SCAND3: variants seen among roughly 807,000 people sequenced by gnomAD.
SCAND3 encodes the protein SCAN domain containing 3, also known as SCAN domain-containing protein 3.
At chr6:28,578,640 T>C in the SCAND3 span, among the ~76,000 whole-genome samples, 1 of 152,016 alleles carries the variant, frequency 6.6e-6, no homozygotes, top group Non-Finnish European at 1.5e-5. Flanking sequence ...GAAGAAGAAA[T>C]ACAGGGCAAT....
the SCAND3 span, chr6:28,587,437 G>C: frequency 6.6e-6 from 1 of 152,256 alleles, no homozygotes; most frequent in Non-Finnish European, 1.5e-5. Context: ...CTCTGGAAAC[G>C]ACGGAGAATT....
the SCAND3 span, among the ~76,000 whole-genome samples, chr6:28,612,905 C>T: frequency 6.6e-6 from 1 of 152,134 alleles, no homozygotes; most frequent in Non-Finnish European, 1.5e-5. Flanking sequence ...GTTATCATTT[C>T]ACTTCCAAAA....
chr6:28,603,879 C>T, the SCAND3 span, among the ~76,000 whole-genome samples: 3 of 152,152 alleles, frequency 2.0e-5, no homozygotes, highest in East Asian at 5.8e-4. Flanking sequence ...GGACTCGCTG[C>T]TCCTGGATGC....
chr6:28,615,838 C>T, the SCAND3 span, among the ~76,000 whole-genome samples: 1 of 152,116 alleles, frequency 6.6e-6, no homozygotes, highest in Non-Finnish European at 1.5e-5. Flanking sequence ...TGCAACATCT[C>T]CATTTCAAAA....
the SCAND3 span, chr6:28,615,913 G>GT: frequency 6.6e-6 from 1 of 152,172 alleles, no homozygotes; most frequent in East Asian, 1.9e-4. Context: ...TACAAGATGT[G>GT]TGATATTCTT....
chr6:28,586,219 C>T, the SCAND3 span: 118 of 1,228,976 alleles, frequency 9.6e-5, no homozygotes, highest in Admixed American at 2.3e-4. This position sits in a 1 kb window ranked among gnomAD's most constrained non-coding sequence, Gnocchi z 4.4. Context: ...CAACCACCAG[C>T]GCGAAATTAC....
the SCAND3 span, among the ~76,000 whole-genome samples, chr6:28,603,383 G>A: frequency 6.6e-6 from 1 of 152,114 alleles, no homozygotes; most frequent in Admixed American, 6.5e-5. Context: ...ATTGTTTCCT[G>A]GATTTTATCA....
the SCAND3 span, chr6:28,590,780 C>T: frequency 6.6e-6 from 1 of 152,322 alleles, no homozygotes; most frequent in Non-Finnish European, 1.5e-5. Flanking sequence ...ATTGGTTACA[C>T]AGAGACTCTG....
chr6:28,581,027 G>A, the SCAND3 span, among the ~76,000 whole-genome samples: 1 of 151,978 alleles, frequency 6.6e-6, no homozygotes, highest in Admixed American at 6.6e-5. Context: ...TCAATTCCTG[G>A]GTTTGATTTT....
At chr6:28,599,577 T>C in the SCAND3 span, among the ~76,000 whole-genome samples, 2 of 152,212 alleles carry the variant, frequency 1.3e-5, no homozygotes, top group East Asian at 1.9e-4. Flanking sequence ...TCATGAGATA[T>C]GATGGTTTTA....
the SCAND3 span, among the ~76,000 whole-genome samples, chr6:28,608,744 A>T: frequency 6.6e-6 from 1 of 152,256 alleles, no homozygotes; most frequent in East Asian, 1.9e-4. Flanking sequence ...TACACCTGTA[A>T]TCCCAGAAAT....
chr6:28,584,877 A>G, the SCAND3 span, among the ~76,000 whole-genome samples: 18 of 152,226 alleles, frequency 1.2e-4, no homozygotes, highest in Non-Finnish European at 1.9e-4. Flanking sequence ...CACTACTTCC[A>G]CTAAATGAAG....
chr6:28,583,223 T>C, the SCAND3 span, among the ~76,000 whole-genome samples: 1 of 151,190 alleles, frequency 6.6e-6, no homozygotes, highest in Non-Finnish European at 1.5e-5. Flanking sequence ...AAACCTCGTA[T>C]CTACTAAAAA....
the SCAND3 span, among the ~76,000 whole-genome samples, chr6:28,602,614 C>T: frequency 6.6e-6 from 1 of 152,276 alleles, no homozygotes; most frequent in South Asian, 2.1e-4. Flanking sequence ...TGGCATGTTT[C>T]TAGTAGGGCC....
the SCAND3 span, chr6:28,573,366 C>T: frequency 6.2e-7 from 1 of 1,614,082 alleles, no homozygotes; most frequent in African/African-American, 1.3e-5. Context: ...TCACTAGTGT[C>T]TCAGCAATTG....
At chr6:28,581,334 T>C in the SCAND3 span, among the ~76,000 whole-genome samples, 1 of 152,060 alleles carries the variant, frequency 6.6e-6, no homozygotes, top group Non-Finnish European at 1.5e-5. Context: ...TGAGATTCCA[T>C]CTCAAATAAA....
the SCAND3 span, chr6:28,573,908 T>C: frequency 7.3e-7 from 1 of 1,369,528 alleles, no homozygotes; most frequent in South Asian, 1.8e-5. Flanking sequence ...AGTTAAAAAC[T>C]AGATTTGATT....
At chr6:28,612,842 C>T in the SCAND3 span, among the ~76,000 whole-genome samples, 3 of 152,204 alleles carry the variant, frequency 2.0e-5, no homozygotes, top group African/African-American at 7.2e-5. Flanking sequence ...TTTCTTCCCA[C>T]TCCTCTCCAC....
the SCAND3 span, among the ~76,000 whole-genome samples, chr6:28,611,651 C>T: frequency 6.6e-6 from 1 of 152,216 alleles, no homozygotes; most frequent in Non-Finnish European, 1.5e-5. Flanking sequence ...TGCCACTACC[C>T]AGTGAAAAGT....
Sources: gnomAD v4.1 joint callset for allele counts (sites outside exome capture counted in the v4.1 genomes callset) on GRCh38, gnomAD v4.1.1 for gene constraint, Gnocchi (gnomAD v3.1) non-coding constraint, MANE v1.5 for transcripts, NCBI Gene and HGNC (gene_info 2026-07-23, HGNC 2026-07-21) for gene names.